SLC18B1: variants seen among roughly 807,000 people sequenced by gnomAD.
SLC18B1 encodes solute carrier family 18 member B1.
Under a neutral mutation model 53.9 loss-of-function variants are expected in SLC18B1, and 62 were observed. The ratio of observed to expected loss-of-function variants is 1.15; its 90% CI spans 0.94 to 1.42. SLC18B1 has a LOEUF of 1.42. Ranked by LOEUF, SLC18B1 falls within the 40% of genes most tolerant of loss-of-function variation. The probability of loss-of-function intolerance (pLI) is 0.00; values close to 1 mark genes in which losing one functional copy is unlikely to be tolerated. For missense variants in SLC18B1, 598 were observed against 547.3 expected (o/e 1.09, Z -0.93); for synonymous variants, 217 against 200.9 (o/e 1.08, Z -0.68).
intron 2 of SLC18B1, 98 bp from the exon 3 acceptor site, chr6:132,790,370 TTATC>T: frequency 3.9e-6 from 3 of 775,078 alleles, no homozygotes; most frequent in Non-Finnish European, 6.0e-6. Flanking sequence ...CTTGTGAACT[TTATC>T]TGTATATCAG....
intron 7 of SLC18B1, among the ~76,000 whole-genome samples, chr6:132,777,115 GGAGGTGGAGGCAGGAGAATC>G (rs1167978759): frequency 7.2e-5 from 11 of 152,270 alleles, no homozygotes; most frequent in Admixed American, 3.3e-4. Flanking sequence ...CAGCTACTCA[GGAGGTGGAGGCAGGAGAATC>G]GAGGTGGAGG....
chr6:132,779,734 T>C (rs1009503241), intron 6 of SLC18B1, among the ~76,000 whole-genome samples: 1 of 152,238 alleles, frequency 6.6e-6, no homozygotes, highest in Non-Finnish European at 1.5e-5. Flanking sequence ...TGTATTAGTC[T>C]GTTCTCATGC....
intron 7 of SLC18B1, among the ~76,000 whole-genome samples, 187 bp from the exon 8 acceptor site, chr6:132,776,616 C>T (rs1047272887): frequency 1.3e-5 from 2 of 152,172 alleles, no homozygotes; most frequent in Admixed American, 6.5e-5. Context: ...GACAACCTAA[C>T]CAGAAGTCAG....
chr6:132,774,269 G>A lies in SLC18B1; in HGVS notation c.942C>T (p.Ala314=), dbSNP rs373177302. The change falls in exon 9 of 14, where the codon GCC becomes GCT. Residue 314 remains alanine (A), a synonymous_variant. Transcript: ENST00000275227. ...WLLVFGNLIT[A]GCYMLLGPVP... ...CAGGCCCTAAGAGCATGTAGCACCCGGCTGTGATTAAGTTGCCAAACACCA... is the reference window on the plus strand; with the variant it reads ...CAGGCCCTAAGAGCATGTAGCACCCAGCTGTGATTAAGTTGCCAAACACCA... 19 of 1,613,298 alleles carry A rather than the reference G, an allele frequency of 1.2e-5. No homozygotes were observed. The highest frequency in any genetic ancestry group is 6.6e-5 in the South Asian group (6 of 90,976).
In SLC18B1 at chr6:132,789,780, C is replaced by T. The variant is rs1781476153; in HGVS notation, c.337G>A (p.Val113Ile). ...ATGACTTACCCAAAGAGAATTGTAA[C>T]TCCTCCTGAGACAAACATTCCTGCT... ...FVAGMFVSGG[V>I]TILFGVLDRV... The change falls in exon 4 of 14, where the codon GTT becomes ATT. Residue 113 changes from valine (V) to isoleucine (I), a missense_variant. Coordinates refer to ENST00000275227, the MANE Select transcript of SLC18B1 (RefSeq NM_052831.3). The T allele has an allele frequency of 1.2e-6, 2 of 1,613,068 alleles. No individual in the cohort carries two copies. The highest frequency in any genetic ancestry group is 8.5e-7 in the Non-Finnish European group (1 of 1,179,146).
intron 2 of SLC18B1, among the ~76,000 whole-genome samples, chr6:132,796,420 G>A (rs1781688391): frequency 6.7e-6 from 1 of 149,386 alleles, no homozygotes; most frequent in Non-Finnish European, 1.5e-5. Context: ...CAGCTACTCG[G>A]GAGGCTGAGG....
chr6:132,794,066 TCTC>T (rs1414773941), intron 2 of SLC18B1, among the ~76,000 whole-genome samples: 1 of 152,026 alleles, frequency 6.6e-6, no homozygotes, highest in Non-Finnish European at 1.5e-5. Flanking sequence ...CTCCAATTCT[TCTC>T]CATCTCAATT....
At chr6:132,776,730 G>T (rs1177270517) in intron 7 of SLC18B1, among the ~76,000 whole-genome samples, 1 of 152,186 alleles carries the variant, frequency 6.6e-6, no homozygotes, top group Non-Finnish European at 1.5e-5. Context: ...ACTTCAATGT[G>T]CATAAAATTT....
Position 132,797,136 on chromosome 6 carries a change from T to C in SLC18B1, c.44-15A>G. On this transcript the variant is annotated splice_polypyrimidine_tract_variant and intron_variant, in intron 1 of 13. Coordinates refer to ENST00000275227, the MANE Select transcript of SLC18B1 (RefSeq NM_052831.3). ...AGGATCATCACCTTGAATGCAAACA[T>C]GCAGCAATTAGGCATATAATTGAGA... The C allele has an allele frequency of 1.9e-6, 3 of 1,612,604 alleles. No individual in the cohort carries two copies. The highest frequency in any genetic ancestry group is 1.7e-6 in the Non-Finnish European group (2 of 1,179,576).
rs559103528 is a variant in SLC18B1 at position 132,787,719 on chromosome 6, A to T, written c.354-138T>A. On this transcript the variant is annotated intron_variant, in intron 4 of 13. Coordinates refer to ENST00000275227, the MANE Select transcript of SLC18B1 (RefSeq NM_052831.3). Reference sequence around the variant, plus strand: ...AACCGCTTTAGAATATGATTTTTTTAAAAGAGTTGCTTTGTTGTCTTTTCA... The same window carrying T: ...AACCGCTTTAGAATATGATTTTTTTTAAAGAGTTGCTTTGTTGTCTTTTCA... 6 of 723,044 alleles carry T rather than the reference A, an allele frequency of 8.3e-6. No individual in the cohort carries two copies. The East Asian group carries it at 1.0e-4, about 12-fold the overall frequency. The allele number at this position is 723,044 out of a possible 1,614,324, so 44.8% of individuals were successfully genotyped here.
rs1325968801 is a variant in SLC18B1, at chr6:132,798,458, C to T, written c.-2G>A. On this transcript the variant is annotated 5_prime_UTR_variant, in exon 1 of 14. Coordinates refer to ENST00000275227, the MANE Select transcript of SLC18B1 (RefSeq NM_052831.3). ...CTCCAGGTCACCCAGCGCCTCCATCCCCGGTGCGTGGACTCCGGCGCCCCA... is the reference window on the plus strand; with the variant it reads ...CTCCAGGTCACCCAGCGCCTCCATCTCCGGTGCGTGGACTCCGGCGCCCCA... 9 of 1,519,018 alleles carry T rather than the reference C, an allele frequency of 5.9e-6. No individual in the cohort carries two copies. The highest frequency in any genetic ancestry group is 8.0e-6 in the Non-Finnish European group (9 of 1,129,530). 94.1% of individuals were successfully genotyped at this position (1,519,018 alleles called of 1,614,324 possible).
Position 132,779,251 on chromosome 6 carries a change from G to T in SLC18B1, c.795+17C>A, listed in dbSNP as rs1462453046. 6.2e-7 allele frequency: 1 copy of T among 1,613,062 alleles called. No homozygotes were observed. The highest frequency in any genetic ancestry group is 8.5e-7 in the Non-Finnish European group (1 of 1,179,178). On this transcript the variant is annotated intron_variant, in intron 7 of 13. Transcript: ENST00000275227. ...ACCTGCTACAATGCAGCACTCTTCA[G>T]CAATCAGGTAACTTACCTTCTCCAA...
At chr6:132,777,995 A>T (rs535033921) in intron 7 of SLC18B1, among the ~76,000 whole-genome samples, 1 of 152,326 alleles carries the variant, frequency 6.6e-6, no homozygotes, top group East Asian at 1.9e-4. Context: ...AGTCCGAAAA[A>T]GGAGTCAGCA....
chr6:132,785,695 T>TAAAA (rs1467503749), intron 5 of SLC18B1, among the ~76,000 whole-genome samples: 1 of 152,042 alleles, frequency 6.6e-6, no homozygotes, highest in African/African-American at 2.4e-5. Flanking sequence ...TCATAGGAAT[T>TAAAA]TATTAAGTGG....
intron 7 of SLC18B1, among the ~76,000 whole-genome samples, chr6:132,778,385 A>AACAGTCCCCAAGTTTACCTGTG (rs1266363254): frequency 6.6e-6 from 1 of 152,152 alleles, no homozygotes; most frequent in Non-Finnish European, 1.5e-5. Flanking sequence ...GCACTAAAAT[A>AACAGTCCCCAAGTTTACCTGTG]ACAGTCCCCA....
chr6:132,781,599 A>T (rs1781237666), intron 6 of SLC18B1, among the ~76,000 whole-genome samples: 1 of 152,036 alleles, frequency 6.6e-6, no homozygotes, highest in African/African-American at 2.4e-5. Context: ...TCTACTAAAA[A>T]TACAAAAATC....
Position 132,770,017 on chromosome 6 carries a change from T to C in SLC18B1, c.*253A>G, listed in dbSNP as rs1179650182. 2 of 294,068 alleles carry C rather than the reference T, an allele frequency of 6.8e-6. No individual in the cohort carries two copies. The highest frequency in any genetic ancestry group is 1.3e-5 in the Non-Finnish European group (2 of 159,682). 18.2% of individuals were successfully genotyped at this position (294,068 alleles called of 1,614,324 possible). A position where few individuals can be genotyped will look rare whatever the true frequency, so the allele number is the denominator to read the frequency against. On this transcript the variant is annotated 3_prime_UTR_variant, in exon 14 of 14. Coordinates refer to ENST00000275227, the MANE Select transcript of SLC18B1 (RefSeq NM_052831.3). ...GGTCATTTAAAAACTAAGTCTTGTT[T>C]TGTTTTGCTTGTTTTTAATTACTCC...
At chr6:132,785,274 T>C (rs1375056292) in intron 5 of SLC18B1, among the ~76,000 whole-genome samples, 1 of 152,200 alleles carries the variant, frequency 6.6e-6, no homozygotes, top group Non-Finnish European at 1.5e-5. Flanking sequence ...GCTGAGCAAC[T>C]GTTATATGTA....
intron 5 of SLC18B1, among the ~76,000 whole-genome samples, 193 bp from the exon 6 acceptor site, chr6:132,784,282 T>C (rs566385458): frequency 1.4e-3 from 219 of 152,118 alleles, no homozygotes; most frequent in African/African-American, 5.2e-3. Context: ...TTAAAAAAAT[T>C]GTTATTGTAA....
Sources: gnomAD v4.1 joint callset for allele counts (sites outside exome capture counted in the v4.1 genomes callset) on GRCh38, gnomAD v4.1.1 for gene constraint, MANE v1.5 for transcripts, NCBI Gene and HGNC (gene_info 2026-07-23, HGNC 2026-07-21) for gene names.